Variants in LCOR observed in about 807,000 individuals in gnomAD.
LCOR encodes the protein ligand-dependent corepressor.
Under a neutral mutation model 64.4 loss-of-function variants are expected in LCOR, and 14 were observed. That is an observed-to-expected ratio of 0.22 (90% CI 0.14 to 0.34). LCOR has a LOEUF of 0.34. Ranked by LOEUF, LCOR falls within the 10% of genes least tolerant of loss-of-function variation. The pLI is 1.00. For synonymous variants in LCOR, 643 were observed against 642.5 expected, an observed-to-expected ratio of 1.00 and a Z score of -0.01; for missense variants, 1,686 against 1,765.3, an observed-to-expected ratio of 0.96 and a Z score of 0.80.
chr10:96,941,325 C>G (rs1446771402), intron 4 of LCOR, among the ~76,000 whole-genome samples: 2 of 136,920 alleles, frequency 1.5e-5, no homozygotes, highest in Non-Finnish European at 3.2e-5. Context: ...GGCGGCTGGC[C>G]GGGCAGAGGA....
Position 96,994,189 on chromosome 10 carries a change from C to T in LCOR, c.*9055C>T, listed in dbSNP as rs1848224116. The T allele has an allele frequency of 6.6e-6, 1 of 152,148 alleles. No homozygotes were observed. Among genetic ancestry groups the T allele is most frequent in the Non-Finnish European group, 1.5e-5 (1 of 68,038 alleles). The allele number at this position is 152,148 out of a possible 1,614,324, so 9.4% of individuals were successfully genotyped here. A position where few individuals can be genotyped will look rare whatever the true frequency, so the allele number is the denominator to read the frequency against. The stretch of plus-strand genomic sequence containing the variant: ...AGAGTAAATGTAAGACTTGTTACAA[C>T]AGAAATTTAAGTGGCCAGTTCAATG... On this transcript the variant is annotated 3_prime_UTR_variant, in exon 8 of 8. Coordinates refer to ENST00000421806, the MANE Select transcript of LCOR (RefSeq NM_001346516.2).
At chr10:96,832,428 C>T (rs1845351419) in intron 1 of LCOR, 29 bp downstream of exon 1, 3 of 902,164 alleles carry the variant, frequency 3.3e-6, no homozygotes, top group South Asian at 5.0e-5. Context: ...CGCCGCCGCC[C>T]CTCCGGCCGC....
At chr10:96,926,845 T>C (rs1170229523) in intron 4 of LCOR, among the ~76,000 whole-genome samples, 2 of 152,192 alleles carry the variant, frequency 1.3e-5, no homozygotes, top group Non-Finnish European at 2.9e-5. Flanking sequence ...GGGTTTTATT[T>C]TTGTTTTTGT....
rs760959447 is a variant in LCOR at position 96,952,163 on chromosome 10, A to T, written c.299A>T (p.His100Leu). The part of the protein sequence containing the change: ...SPCAGSTSLS[H>L]SPGCSSTQGN... ...TGTGCTGGCAGCACTTCCCTGAGCC[A>T]CTCTCCAGGCTGCTCCAGTACTCAA... Residue 100 changes from histidine (H) to leucine (L), a missense_variant, in exon 7 of 8, where the codon CAC becomes CTC. This residue lies in a region of LCOR where 313 missense variants were observed against 247.2 expected (regional missense o/e 1.27). Coordinates refer to ENST00000421806, the MANE Select transcript of LCOR (RefSeq NM_001346516.2). The T allele has an allele frequency of 6.2e-7, 1 of 1,613,906 alleles. No homozygotes were observed. The highest frequency in any genetic ancestry group is 1.7e-5 in the Admixed American group (1 of 60,012).
At chr10:96,892,738 A>G (rs1450805355) in intron 2 of LCOR, among the ~76,000 whole-genome samples, 1 of 152,192 alleles carries the variant, frequency 6.6e-6, no homozygotes, top group East Asian at 1.9e-4. Context: ...GTCTGATACT[A>G]GTATAGCCAC....
At position 96,982,467 on chromosome 10, in the gene LCOR, C is replaced by T. The variant is rs748721986; in HGVS notation, c.2007C>T (p.His669=). The change falls in exon 8 of 8, where the codon CAC becomes CAT. Residue 669 remains histidine (H), a synonymous_variant. Coordinates refer to ENST00000421806, the MANE Select transcript of LCOR (RefSeq NM_001346516.2). ...TEEMSVPQDC[H]LLPSTESFSG... ...AGATGAGTGTACCCCAGGACTGTCA[C>T]CTCCTTCCCTCCACTGAAAGCTTTT... 6.2e-7 allele frequency: 1 copy of T among 1,614,220 alleles called. No homozygotes were observed. Among genetic ancestry groups the T allele is most frequent in the Admixed American group, 1.7e-5 (1 of 60,030 alleles).
At position 96,989,437 on chromosome 10, in the gene LCOR, A is replaced by G. The variant is rs1333099233; in HGVS notation, c.*4303A>G. 2 of 152,114 alleles carry G rather than the reference A, an allele frequency of 1.3e-5. No individual in the cohort carries two copies. The highest frequency in any genetic ancestry group is 2.9e-5 in the Non-Finnish European group (2 of 68,030). 9.4% of individuals were successfully genotyped at this position (152,114 alleles called of 1,614,324 possible). A position where few individuals can be genotyped will look rare whatever the true frequency, so the allele number is the denominator to read the frequency against. ...AGATATGGAAAATGTTTTTTCACAG[A>G]GTAGAAACAAAGTCTGATCACAATC... On this transcript the variant is annotated 3_prime_UTR_variant, in exon 8 of 8. Coordinates refer to ENST00000421806, the MANE Select transcript of LCOR (RefSeq NM_001346516.2).
intron 4 of LCOR, among the ~76,000 whole-genome samples, chr10:96,931,436 A>G (rs998554713): frequency 1.8e-4 from 27 of 151,940 alleles, no homozygotes; most frequent in Non-Finnish European, 2.8e-4. Flanking sequence ...GGGTTTCACC[A>G]TGTCGGCCAG....
At chr10:96,961,957 G>A (rs905836154) in intron 7 of LCOR, 10 of 151,430 alleles carry the variant, frequency 6.6e-5, no homozygotes, top group African/African-American at 2.4e-4. Context: ...TTAAGAAAGC[G>A]CTTGTCCAAA....
At chr10:96,873,430 T>C (rs1427022057) in intron 2 of LCOR, among the ~76,000 whole-genome samples, 3 of 152,124 alleles carry the variant, frequency 2.0e-5, no homozygotes, top group Non-Finnish European at 4.4e-5. Flanking sequence ...AGTAAATTAT[T>C]TTAGTTTTAT....
At chr10:96,880,980 A>G (rs975435747) in intron 2 of LCOR, among the ~76,000 whole-genome samples, 1 of 152,218 alleles carries the variant, frequency 6.6e-6, no homozygotes, top group African/African-American at 2.4e-5. Context: ...CATACAATGG[A>G]TGTCTTAGTG....
chr10:96,952,431 T>G (rs7082838), intron 7 of LCOR, among the ~76,000 whole-genome samples: 21,183 of 152,200 alleles, frequency 0.14, 2,004 homozygotes, highest in African/African-American at 0.26. Flanking sequence ...ATTATTTCTT[T>G]GGACTTTTTG....
chr10:96,849,783 G>A (rs1211471637), intron 2 of LCOR, among the ~76,000 whole-genome samples: 2 of 151,652 alleles, frequency 1.3e-5, no homozygotes, highest in Non-Finnish European at 2.9e-5. Flanking sequence ...GATGGCATGT[G>A]TGCAGACCAG....
chr10:96,920,978 TG>T (rs1202875181), intron 4 of LCOR, among the ~76,000 whole-genome samples: 3 of 151,846 alleles, frequency 2.0e-5, no homozygotes, highest in Non-Finnish European at 4.4e-5. Context: ...TTAAATTTTT[TG>T]TGGAGATGGG....
intron 1 of LCOR, 155 bp from the exon 2 acceptor site, chr10:96,833,251 C>T (rs1401175308): frequency 1.3e-5 from 12 of 957,802 alleles, no homozygotes; most frequent in Non-Finnish European, 1.5e-5. Context: ...CGCCCGAATG[C>T]CCCGTCCGCC....
At chr10:96,929,232 C>G (rs1253726732) in intron 4 of LCOR, among the ~76,000 whole-genome samples, 1 of 152,224 alleles carries the variant, frequency 6.6e-6, no homozygotes, top group East Asian at 1.9e-4. Flanking sequence ...AAAGTCCTTG[C>G]TGACATCTTC....
chr10:96,963,509 A>G (rs1564641127), intron 7 of LCOR: 1 of 152,182 alleles, frequency 6.6e-6, no homozygotes, highest in Non-Finnish European at 1.5e-5. Flanking sequence ...TGATGGAACC[A>G]TTGGGCCAGG....
intron 2 of LCOR, among the ~76,000 whole-genome samples, chr10:96,835,457 CAT>C (rs1483602072): frequency 1.3e-5 from 2 of 152,120 alleles, no homozygotes; most frequent in Admixed American, 6.5e-5. Flanking sequence ...AGTGGGGCCT[CAT>C]ATTTTCTCTT....
intron 7 of LCOR, chr10:96,956,215 G>T: frequency 9.2e-7 from 1 of 1,086,938 alleles, no homozygotes. Flanking sequence ...TGCCTGTAGA[G>T]CCTGCATGCT....
Sources: gnomAD v4.1 joint callset for allele counts (sites outside exome capture counted in the v4.1 genomes callset) on GRCh38, gnomAD v4.1.1 for gene constraint, gnomAD v4.1.1 regional missense constraint, MANE v1.5 for transcripts, NCBI Gene and HGNC (gene_info 2026-07-23, HGNC 2026-07-21) for gene names.